FECH: variants seen among roughly 807,000 people sequenced by gnomAD.
FECH encodes the protein ferrochelatase.
In FECH, 40 loss-of-function variants were observed where a neutral mutation model predicts 56.9. That is an observed-to-expected ratio of 0.70 (90% CI 0.55 to 0.92). The LOEUF (loss-of-function observed/expected upper bound fraction) is 0.92. FECH is among the 40% of genes least tolerant of loss of function. The pLI is 0.00. For missense variants in FECH, 431 were observed against 529.1 expected, an observed-to-expected ratio of 0.81 and a Z score of 1.82; for synonymous variants, 175 against 198.6, an observed-to-expected ratio of 0.88 and a Z score of 1.00.
rs1056612490 is a variant in FECH, at chr18:57,549,674, G to A, written c.*1038C>T. 2.0e-5 allele frequency: 3 copies of A among 152,094 alleles called. No homozygotes were observed. Among genetic ancestry groups the A allele is most frequent in the African/African-American group, 7.2e-5 (3 of 41,408 alleles). The allele number at this position is 152,094 out of a possible 1,614,324, so 9.4% of individuals were successfully genotyped here. A position where few individuals can be genotyped will look rare whatever the true frequency, so the allele number is the denominator to read the frequency against. Reference sequence around the variant, plus strand: ...AATATCTACAGGAAAGGACTACCACGAAATACAATATTATGATAACAGTTA... The same window carrying A: ...AATATCTACAGGAAAGGACTACCACAAAATACAATATTATGATAACAGTTA... On this transcript the variant is annotated 3_prime_UTR_variant, in exon 11 of 11. Coordinates refer to ENST00000262093, the MANE Select transcript of FECH (RefSeq NM_000140.5).
intron 9 of FECH, among the ~76,000 whole-genome samples, chr18:57,552,789 G>A (rs945840244): frequency 6.6e-6 from 1 of 152,212 alleles, no homozygotes; most frequent in African/African-American, 2.4e-5. Flanking sequence ...GATCTCAACT[G>A]AAGAGGCTGT....
At position 57,559,152 on chromosome 18, in the gene FECH, G is replaced by A. The variant is rs930701829; in HGVS notation, c.797C>T (p.Pro266Leu). ...VVILFSAHSL[P>L]MSVVNRGDPY... ...GAAAATGTTCTTACTTACAGACATG[G>A]GCAGTGAGTGAGCAGAAAACAGAAT... The change falls in exon 7 of 11, where the codon CCC (proline) becomes CTC (leucine). Residue 266 changes from proline to leucine, a missense_variant. By Grantham distance (98) the Pro-to-Leu change is moderately conservative (BLOSUM62 -3). Coordinates refer to ENST00000262093, the MANE Select transcript of FECH (RefSeq NM_000140.5). 3.7e-6 allele frequency: 6 copies of A among 1,607,170 alleles called. No homozygotes were observed. Among genetic ancestry groups the A allele is most frequent in the East Asian group, 2.2e-5 (1 of 44,814 alleles).
At chr18:57,559,376 A>T (rs1032755786) in intron 6 of FECH, 133 bp from the exon 7 acceptor site, 4 of 660,814 alleles carry the variant, frequency 6.1e-6, no homozygotes, top group Non-Finnish European at 8.1e-6. Flanking sequence ...TCTCTTTTTT[A>T]AAAAATTGCA....
chr18:57,574,816 T>G (rs527500311), intron 2 of FECH, among the ~76,000 whole-genome samples: 2 of 152,360 alleles, frequency 1.3e-5, no homozygotes, highest in African/African-American at 4.8e-5. Flanking sequence ...ATTCATCTTT[T>G]TTTCATATTT....
Position 57,550,643 on chromosome 18 carries a change from A to C in FECH, c.*69T>G. The C allele has an allele frequency of 1.3e-6, 2 of 1,595,312 alleles. No individual in the cohort carries two copies. Among genetic ancestry groups the C allele is most frequent in the Admixed American group, 3.3e-5 (2 of 59,950 alleles). On this transcript the variant is annotated 3_prime_UTR_variant, in exon 11 of 11. Coordinates refer to ENST00000262093, the MANE Select transcript of FECH (RefSeq NM_000140.5). ...CTTCCTTCCTTGATCTCTAAATAAC[A>C]CCCTCTCCACATCGGAGGTATCTGG...
At chr18:57,554,979 A>C in intron 7 of FECH, 27 bp from the exon 8 acceptor site, 2 of 1,584,218 alleles carry the variant, frequency 1.3e-6, no homozygotes, top group Non-Finnish European at 1.7e-6. Context: ...ATGGGTGTTC[A>C]GCCATTAACA....
In FECH at chr18:57,582,334, T is replaced by C. The variant is rs151194286; in HGVS notation, c.68-2135A>G. ...CATTTTGAATTTTAGATTTTCAGAT[T>C]TGGAATGCTCAATCTGTAAGTAAGT... On this transcript the variant is annotated intron_variant, in intron 1 of 10. Coordinates refer to ENST00000262093, the MANE Select transcript of FECH (RefSeq NM_000140.5). Among the ~76,000 whole-genome samples, 826 of 151,902 alleles carry C rather than the reference T, an allele frequency of 5.4e-3. 3 individuals carry two copies. The highest frequency in any genetic ancestry group is 0.01 in the Middle Eastern group (3 of 294).
chr18:57,583,530 G>A (rs1222850295), intron 1 of FECH, among the ~76,000 whole-genome samples: 11 of 152,236 alleles, frequency 7.2e-5, no homozygotes. Context: ...CCAGCCCCAA[G>A]AGCAATGCCT....
intron 4 of FECH, 100 bp downstream of exon 4, chr18:57,571,292 G>T: frequency 8.0e-7 from 1 of 1,249,520 alleles, no homozygotes; most frequent in Non-Finnish European, 1.2e-6. Flanking sequence ...AAATTGAGTT[G>T]CCAGTACATA....
Position 57,550,576 on chromosome 18 carries a change from C to A in FECH, c.*136G>T, listed in dbSNP as rs886053995. The A allele has an allele frequency of 9.2e-7, 1 of 1,088,574 alleles. No individual in the cohort carries two copies. The highest frequency in any genetic ancestry group is 2.5e-5 in the East Asian group (1 of 40,528). The allele number at this position is 1,088,574 out of a possible 1,614,324, so 67.4% of individuals were successfully genotyped here. ...AGAGTCCAATCCTCAAGAAACCACA[C>A]AATTTGTACCCAAAGGCTGTATATA... On this transcript the variant is annotated 3_prime_UTR_variant, in exon 11 of 11. Coordinates refer to ENST00000262093, the MANE Select transcript of FECH (RefSeq NM_000140.5).
intron 2 of FECH, among the ~76,000 whole-genome samples, chr18:57,579,708 C>A (rs2051246289): frequency 6.6e-6 from 1 of 152,264 alleles, no homozygotes; most frequent in East Asian, 1.9e-4. Context: ...TCTTGGTAGA[C>A]CAGTTATTCG....
chr18:57,571,258 C>T (rs2051100735), intron 4 of FECH, 134 bp downstream of exon 4: 1 of 908,352 alleles, frequency 1.1e-6, no homozygotes. Context: ...AATTAAGTGA[C>T]CATGTATTAT....
At chr18:57,583,731 C>T (rs1332467624) in intron 1 of FECH, among the ~76,000 whole-genome samples, 3 of 152,084 alleles carry the variant, frequency 2.0e-5, no homozygotes, top group South Asian at 2.1e-4. Flanking sequence ...GAGGCCGAGG[C>T]GGGAGAACTG....
chr18:57,583,121 G>A (rs961828232), intron 1 of FECH, among the ~76,000 whole-genome samples: 3 of 152,060 alleles, frequency 2.0e-5, no homozygotes, highest in Admixed American at 6.6e-5. Flanking sequence ...ACTCAGGTTC[G>A]TTAATACACT....
At chr18:57,578,268 A>C (rs532748432) in intron 2 of FECH, among the ~76,000 whole-genome samples, 57 of 152,340 alleles carry the variant, frequency 3.7e-4, no homozygotes, top group African/African-American at 1.3e-3. Flanking sequence ...CAGATGAAGA[A>C]GGTATCTAAT....
intron 5 of FECH, among the ~76,000 whole-genome samples, chr18:57,564,509 T>C (rs981719424): frequency 1.3e-5 from 2 of 152,226 alleles, no homozygotes; most frequent in Non-Finnish European, 2.9e-5. Flanking sequence ...ACCGATCCAC[T>C]GGGCTCTCTA....
At chr18:57,579,991 T>C in intron 2 of FECH, 82 bp downstream of exon 2, 2 of 1,593,126 alleles carry the variant, frequency 1.3e-6, no homozygotes, top group Non-Finnish European at 8.6e-7. Flanking sequence ...TCCCAGCACC[T>C]TTCCTCCCAG....
In FECH at chr18:57,554,952, C is replaced by T. The variant is rs373569814; in HGVS notation, c.805G>A (p.Val269Met). 36 of 1,612,700 alleles carry T rather than the reference C, an allele frequency of 2.2e-5. No individual in the cohort carries two copies. Among genetic ancestry groups the T allele is most frequent in the Non-Finnish European group, 3.0e-5 (35 of 1,178,850 alleles). The change falls in exon 8 of 11, where the codon GTG becomes ATG. Residue 269 changes from valine (V) to methionine (M), a missense_variant and splice_region_variant. Physicochemically the swap from Val to Met is conservative, Grantham distance 21. Coordinates refer to ENST00000262093, the MANE Select transcript of FECH (RefSeq NM_000140.5). ...GGATATGGGTCGCCTCTGTTGACCA[C>T]CTGCAGCAGAGACACAATGGGTGTT... ...LFSAHSLPMS[V>M]VNRGDPYPQE...
chr18:57,578,942 G>C (rs1334760283), intron 2 of FECH, among the ~76,000 whole-genome samples: 1 of 148,924 alleles, frequency 6.7e-6, no homozygotes, highest in East Asian at 2.0e-4. Context: ...CTGGGTGAAA[G>C]AGCAAGACTC....
Sources: gnomAD v4.1 joint callset for allele counts (sites outside exome capture counted in the v4.1 genomes callset) on GRCh38, gnomAD v4.1.1 for gene constraint, MANE v1.5 for transcripts, NCBI Gene and HGNC (gene_info 2026-07-23, HGNC 2026-07-21) for gene names.